Variants in GRIK1 observed in about 807,000 individuals in gnomAD.
GRIK1 encodes the protein glutamate receptor ionotropic, kainate 1.
A neutral mutation model predicts 105.7 loss-of-function variants in GRIK1; 69 were observed. The observed-to-expected ratio is 0.65, with a 90% confidence interval of 0.54 to 0.80. GRIK1 has a LOEUF of 0.80. Among genes scored for constraint, GRIK1 ranks in the 30% least tolerant of loss-of-function variants. The pLI is 0.00. For missense variants in GRIK1, 1,109 were observed against 1,167.3 expected, an observed-to-expected ratio of 0.95 and a Z score of 0.73; for synonymous variants, 438 against 431.3, an observed-to-expected ratio of 1.02 and a Z score of -0.19.
intron 1 of GRIK1, among the ~76,000 whole-genome samples, chr21:29,741,729 A>G (rs2064934286): frequency 1.3e-5 from 2 of 152,230 alleles, no homozygotes; most frequent in Non-Finnish European, 2.9e-5. Context: ...CATTTTTATT[A>G]AACTGCCATA....
At chr21:29,681,565 T>A (rs2063377674) in intron 3 of GRIK1, among the ~76,000 whole-genome samples, 1 of 152,204 alleles carries the variant, frequency 6.6e-6, no homozygotes, top group Non-Finnish European at 1.5e-5. Context: ...TCAAGCCTCA[T>A]CTGTGCAATG....
intron 3 of GRIK1, among the ~76,000 whole-genome samples, chr21:29,677,605 T>G (rs1420396078): frequency 6.6e-6 from 1 of 152,174 alleles, no homozygotes; most frequent in Non-Finnish European, 1.5e-5. Flanking sequence ...ACCTCTGCTA[T>G]TTCCAGTGAG....
chr21:29,607,115 T>C (rs750899156), intron 7 of GRIK1, among the ~76,000 whole-genome samples: 2 of 152,172 alleles, frequency 1.3e-5, no homozygotes, highest in African/African-American at 2.4e-5. Flanking sequence ...TAAGTTTTCC[T>C]TTGGTGGCAG....
chr21:29,869,634 A>G (rs2068943677), intron 1 of GRIK1, among the ~76,000 whole-genome samples: 1 of 152,240 alleles, frequency 6.6e-6, no homozygotes, highest in African/African-American at 2.4e-5. Context: ...ATTGGGAAGC[A>G]GTGTGTATCC....
At chr21:29,710,510 GA>G (rs1399441841) in intron 1 of GRIK1, among the ~76,000 whole-genome samples, 6 of 152,126 alleles carry the variant, frequency 3.9e-5, no homozygotes, top group African/African-American at 1.4e-4. Context: ...TCGATAAAAT[GA>G]AAAACATTTT....
At chr21:29,873,423 G>C (rs2069087284) in intron 1 of GRIK1, among the ~76,000 whole-genome samples, 1 of 152,096 alleles carries the variant, frequency 6.6e-6, no homozygotes, top group South Asian at 2.1e-4. Flanking sequence ...ACTTAACAGG[G>C]GTGTAAACTT....
rs363560 is a variant in GRIK1, at chr21:29,669,018, C to T, written c.726+3965G>A. 7.6e-3 allele frequency among the ~76,000 whole-genome samples: 1,160 copies of T among 152,142 alleles called. 21 individuals are homozygous for T. Among genetic ancestry groups the T allele is most frequent in the African/African-American group, 0.026 (1,098 of 41,498 alleles). ...GACCTTCTGGTTTATGGAAATTTTC[C>T]AACTGTAGAAATTCATGAAGAAAGT... On this transcript the variant is annotated intron_variant, in intron 4 of 17. Transcript: ENST00000327783.
chr21:29,644,748 G>C (rs2062584078), intron 6 of GRIK1, among the ~76,000 whole-genome samples: 1 of 152,140 alleles, frequency 6.6e-6, no homozygotes, highest in Non-Finnish European at 1.5e-5. Flanking sequence ...CCACTTTGCT[G>C]TACTAATTCT....
chr21:29,913,185 C>G (rs532808674), intron 1 of GRIK1, among the ~76,000 whole-genome samples: 2 of 151,992 alleles, frequency 1.3e-5, no homozygotes, highest in Non-Finnish European at 2.9e-5. Flanking sequence ...AAGATGGGTT[C>G]GAGCCCCAGC....
At chr21:29,821,225 ATG>A (rs1378766554) in intron 1 of GRIK1, among the ~76,000 whole-genome samples, 1 of 152,058 alleles carries the variant, frequency 6.6e-6, no homozygotes, top group Non-Finnish European at 1.5e-5. Context: ...AAGCCAAAAA[ATG>A]TGAAGAAAAC....
chr21:29,928,319 G>C (rs2071453890), intron 1 of GRIK1, among the ~76,000 whole-genome samples: 1 of 152,180 alleles, frequency 6.6e-6, no homozygotes, highest in South Asian at 2.1e-4. Flanking sequence ...AGTATTTACA[G>C]CTTGAACCTG....
In GRIK1 at chr21:29,596,581, A is replaced by T; in HGVS notation, c.1207-11T>A. 1 of 1,599,400 alleles carries T rather than the reference A, an allele frequency of 6.3e-7. No homozygotes were observed. Among genetic ancestry groups the T allele is most frequent in the East Asian group, 2.2e-5 (1 of 44,806 alleles). On this transcript the variant is annotated splice_polypyrimidine_tract_variant and intron_variant, in intron 8 of 17. Transcript: ENST00000327783. ...CACTTCGCCAGCAGCCTTGGTTTTCAGAGAGAAAAATAAAATAAAAACAGC... is the reference window on the plus strand; with the variant it reads ...CACTTCGCCAGCAGCCTTGGTTTTCTGAGAGAAAAATAAAATAAAAACAGC...
At position 29,787,048 on chromosome 21, in the gene GRIK1, C is replaced by A. The variant is rs145750967; in HGVS notation, c.119-92985G>T. On this transcript the variant is annotated intron_variant, in intron 1 of 17. Coordinates refer to ENST00000327783, the MANE Select transcript of GRIK1 (RefSeq NM_001330994.2). The stretch of plus-strand genomic sequence containing the variant: ...TTTAATGAATGGATATTGCTTCTCT[C>A]AAATTTAAATTTAGTTTCAAATACA... Among the ~76,000 whole-genome samples the A allele has an allele frequency of 7.2e-4, 109 of 152,256 alleles. 2 individuals are homozygous for A. The East Asian group carries it at 0.017, about 24-fold the overall frequency.
chr21:29,858,176 G>A (rs1405615264), intron 1 of GRIK1, among the ~76,000 whole-genome samples: 2 of 152,260 alleles, frequency 1.3e-5, no homozygotes, highest in Admixed American at 1.3e-4. Flanking sequence ...TGGGATTACA[G>A]GCATGAGCCA....
chr21:29,780,348 C>T (rs2066060419), intron 1 of GRIK1, among the ~76,000 whole-genome samples: 1 of 152,062 alleles, frequency 6.6e-6, no homozygotes, highest in African/African-American at 2.4e-5. Context: ...CATAGTTATC[C>T]ATTATTTTGT....
At chr21:29,847,366 C>A (rs569944593) in intron 1 of GRIK1, among the ~76,000 whole-genome samples, 1 of 152,144 alleles carries the variant, frequency 6.6e-6, no homozygotes, top group Admixed American at 6.5e-5. Flanking sequence ...GAGGCCCAGG[C>A]GGGTGGATCA....
chr21:29,856,991 A>C (rs2068483358), intron 1 of GRIK1, among the ~76,000 whole-genome samples: 1 of 152,152 alleles, frequency 6.6e-6, no homozygotes, highest in Admixed American at 6.5e-5. Context: ...ATGAGGTAAG[A>C]GAGCTAAGGT....
In GRIK1 at chr21:29,642,381, T is replaced by C. The variant is rs1421649635; in HGVS notation, c.1098+445A>G. 3.3e-5 allele frequency among the ~76,000 whole-genome samples: 5 copies of C among 152,210 alleles called. No individual in the cohort carries two copies. The East Asian group carries it at 9.6e-4, about 29-fold the overall frequency. On this transcript the variant is annotated intron_variant, in intron 7 of 17. Coordinates refer to ENST00000327783, the MANE Select transcript of GRIK1 (RefSeq NM_001330994.2). Reference sequence around the variant, plus strand: ...AAATGACAAAATAGTCACTATATAATTAAAGAGGTCCTTCCACTCAGTCCT... The same window carrying C: ...AAATGACAAAATAGTCACTATATAACTAAAGAGGTCCTTCCACTCAGTCCT...
rs8134650 is a variant in GRIK1 at position 29,718,807 on chromosome 21, T to C, written c.119-24744A>G. On this transcript the variant is annotated intron_variant, in intron 1 of 17. Transcript: ENST00000327783. ...CTGATGTGCATAATCAGAAACCCTC[T>C]GTTATGGGGCATTCTAGTGCTCAGT... Among the ~76,000 whole-genome samples, 532 of 152,284 alleles carry C rather than the reference T, an allele frequency of 3.5e-3. 4 individuals are homozygous for C. The highest frequency in any genetic ancestry group is 0.012 in the African/African-American group (514 of 41,566).
Sources: allele counts gnomAD v4.1 joint callset (sites outside exome capture counted in the v4.1 genomes callset), GRCh38; gene constraint gnomAD v4.1.1; transcripts MANE v1.5; gene names NCBI Gene and HGNC (gene_info 2026-07-23, HGNC 2026-07-21).